UNC5D: variants seen among roughly 807,000 people sequenced by gnomAD.
UNC5D encodes the protein netrin receptor UNC5D.
Under a neutral mutation model 105.4 loss-of-function variants are expected in UNC5D, and 39 were observed. That is an observed-to-expected ratio of 0.37 (90% confidence interval 0.29 to 0.48). The LOEUF (loss-of-function observed/expected upper bound fraction) is 0.48, where lower values mean the gene tolerates loss of function less well. UNC5D is among the 20% of genes least tolerant of loss of function. The pLI, the probability that UNC5D is intolerant of heterozygous loss-of-function variation, is 0.98. For synonymous variants in UNC5D, 452 were observed against 450.4 expected (o/e 1.00, Z -0.04); for missense variants, 991 against 1,202.4 (o/e 0.82, Z 2.60).
chr8:35,362,106 T>C (rs923266988), intron 1 of UNC5D, among the ~76,000 whole-genome samples: 51 of 152,134 alleles, frequency 3.4e-4, no homozygotes, highest in Admixed American at 2.6e-4. Flanking sequence ...TTTAGGAAAA[T>C]ATTTATAATA....
At chr8:35,708,203 G>A (rs1827717061) in intron 8 of UNC5D, among the ~76,000 whole-genome samples, 1 of 152,186 alleles carries the variant, frequency 6.6e-6, no homozygotes, top group Non-Finnish European at 1.5e-5. Context: ...AGTGCTCCAT[G>A]AGCAGGCAGG....
At position 35,327,093 on chromosome 8, in the gene UNC5D, G is replaced by A. The variant is rs377510807; in HGVS notation, c.103+91206G>A. Among the ~76,000 whole-genome samples, 12 of 152,176 alleles carry A rather than the reference G, an allele frequency of 7.9e-5. No individual in the cohort carries two copies. In the South Asian group the frequency reaches 8.3e-4, roughly 11 times the overall value. On this transcript the variant is annotated intron_variant, in intron 1 of 16. Coordinates refer to ENST00000404895, the MANE Select transcript of UNC5D (RefSeq NM_080872.4). ...TTTCTATGAAATGCAAAGCACCGAG[G>A]GTACATTGCCTTAGTGCCTTGGCGG...
chr8:35,425,893 TAACCATTTCAGGGTCAGAAGA>T (rs1806218161), intron 1 of UNC5D, among the ~76,000 whole-genome samples: 2 of 152,322 alleles, frequency 1.3e-5, no homozygotes, highest in East Asian at 3.9e-4. Context: ...GACTGGCGTT[TAACCATTTCAGGGTCAGAAGA>T]AACCTAAAAA....
chr8:35,720,452 G>T (rs1586524411), intron 8 of UNC5D, among the ~76,000 whole-genome samples: 2 of 152,206 alleles, frequency 1.3e-5, no homozygotes, highest in African/African-American at 4.8e-5. Flanking sequence ...GAGGAAAAAT[G>T]CTAGTTGGTT....
In UNC5D at chr8:35,536,439, G is replaced by T. The variant is rs569207959; in HGVS notation, c.104-12853G>T. On this transcript the variant is annotated intron_variant, in intron 1 of 16. Coordinates refer to ENST00000404895, the MANE Select transcript of UNC5D (RefSeq NM_080872.4). ...AGAAGGACTTTGTTGTAAAAAGAAGGTCATCTCATTAAGAAACTGAAAACA... is the reference window on the plus strand; with the variant it reads ...AGAAGGACTTTGTTGTAAAAAGAAGTTCATCTCATTAAGAAACTGAAAACA... Among the ~76,000 whole-genome samples, 9 of 152,264 alleles carry T rather than the reference G, an allele frequency of 5.9e-5. No individual in the cohort carries two copies. The South Asian group carries it at 1.7e-3, about 28-fold the overall frequency.
At chr8:35,313,128 T>C (rs1400918387) in intron 1 of UNC5D, among the ~76,000 whole-genome samples, 1 of 152,218 alleles carries the variant, frequency 6.6e-6, no homozygotes, top group African/African-American at 2.4e-5. Context: ...TTTATTTTAT[T>C]AGAGTTTACA....
At chr8:35,389,072 T>C (rs1157807753) in intron 1 of UNC5D, among the ~76,000 whole-genome samples, 1 of 152,226 alleles carries the variant, frequency 6.6e-6, no homozygotes, top group Non-Finnish European at 1.5e-5. Flanking sequence ...TATATAGTTA[T>C]TTCTTATCTG....
intron 1 of UNC5D, among the ~76,000 whole-genome samples, chr8:35,286,875 A>G (rs1806638663): frequency 6.6e-6 from 1 of 152,166 alleles, no homozygotes; most frequent in Admixed American, 6.5e-5. Flanking sequence ...GCCGTGCCCA[A>G]CTACAGGTTC....
chr8:35,730,549 C>T (rs1276441127), intron 10 of UNC5D, among the ~76,000 whole-genome samples: 7 of 152,176 alleles, frequency 4.6e-5, no homozygotes, highest in Admixed American at 3.9e-4. Flanking sequence ...ACTGGTAAGA[C>T]AGCTTCATCC....
chr8:35,410,337 G>A (rs796108149), intron 1 of UNC5D, among the ~76,000 whole-genome samples: 9 of 152,140 alleles, frequency 5.9e-5, no homozygotes, highest in African/African-American at 1.9e-4. Context: ...GTCTCTATGG[G>A]ATTTGCCGTA....
intron 1 of UNC5D, among the ~76,000 whole-genome samples, chr8:35,537,261 T>G (rs546404413): frequency 6.6e-6 from 1 of 152,338 alleles, no homozygotes; most frequent in South Asian, 2.1e-4. Flanking sequence ...ACTAAGCAAT[T>G]AATATTATTT....
rs1281804337 is a variant in UNC5D at position 35,723,336 on chromosome 8, G to GAGTT, written c.1303+944_1303+947dup. Among the ~76,000 whole-genome samples, 3 of 152,284 alleles carry GAGTT rather than the reference G, an allele frequency of 2.0e-5. No homozygotes were observed. In the East Asian group the frequency reaches 5.8e-4, roughly 29 times the overall value. On this transcript the variant is annotated intron_variant, in intron 9 of 16. Transcript: ENST00000404895. Reference sequence around the variant, plus strand: ...TTGCCATTCACTTCTGGGCACCTCAGAGTTAGGCCTCAAAAGAGACACATC... The same window carrying GAGTT: ...TTGCCATTCACTTCTGGGCACCTCAGAGTTAGTTAGGCCTCAAAAGAGACACATC...
chr8:35,248,985 A>ATTATATATATATATATAAT (rs1803464974), intron 1 of UNC5D, among the ~76,000 whole-genome samples: 1 of 89,736 alleles, frequency 1.1e-5, no homozygotes, highest in Middle Eastern at 0.01. Context: ...ATTTTTATAT[A>ATTATATATATATATATAAT]ATATATTATA....
chr8:35,438,146 T>A (rs1807149762), intron 1 of UNC5D, among the ~76,000 whole-genome samples: 1 of 151,944 alleles, frequency 6.6e-6, no homozygotes, highest in Non-Finnish European at 1.5e-5. Context: ...CACAGATTAG[T>A]TGAGAAAGCC....
chr8:35,477,731 T>G (rs1227136842), intron 1 of UNC5D, among the ~76,000 whole-genome samples: 3 of 152,086 alleles, frequency 2.0e-5, no homozygotes, highest in Non-Finnish European at 2.9e-5. Context: ...TTCTGTGATT[T>G]TTACCAAATA....
At chr8:35,710,053 A>G (rs1586499027) in intron 8 of UNC5D, among the ~76,000 whole-genome samples, 1 of 152,198 alleles carries the variant, frequency 6.6e-6, no homozygotes, top group Non-Finnish European at 1.5e-5. Flanking sequence ...ACATGACCTA[A>G]TATATTCAAG....
chr8:35,306,279 T>C (rs138362419), intron 1 of UNC5D, among the ~76,000 whole-genome samples: 85 of 152,100 alleles, frequency 5.6e-4, no homozygotes, highest in African/African-American at 2.0e-3. Flanking sequence ...TCTCACCTAA[T>C]GGAATTTGCT....
chr8:35,544,306 G>A, intron 1 of UNC5D: 1 of 1,392,976 alleles, frequency 7.2e-7, no homozygotes, highest in African/African-American at 1.4e-5. Flanking sequence ...GAAGCTTGGA[G>A]TGCTGGCTTT....
chr8:35,474,929 A>T (rs570686762), intron 1 of UNC5D, among the ~76,000 whole-genome samples: 179 of 152,258 alleles, frequency 1.2e-3, no homozygotes, highest in African/African-American at 4.1e-3. Flanking sequence ...TGGTAATCTG[A>T]GTGTCAGTAG....
Sources: allele counts gnomAD v4.1 joint callset (sites outside exome capture counted in the v4.1 genomes callset), GRCh38; gene constraint gnomAD v4.1.1; transcripts MANE v1.5; gene names NCBI Gene and HGNC (gene_info 2026-07-23, HGNC 2026-07-21).